Variants in NOCT observed in about 807,000 individuals in gnomAD.
NOCT encodes CCR4 carbon catabolite repression 4-like.
In NOCT, 18 loss-of-function variants were observed where a neutral mutation model predicts 35.0. The ratio of observed to expected loss-of-function variants is 0.51; its 90% CI spans 0.36 to 0.76. The LOEUF is 0.76. Among genes scored for constraint, NOCT ranks in the 30% least tolerant of loss-of-function variants. The pLI, the probability that NOCT is intolerant of heterozygous loss-of-function variation, is 0.01. For synonymous variants in NOCT, 235 were observed against 226.3 expected, an observed-to-expected ratio of 1.04 and a Z score of -0.34; for missense variants, 479 against 541.0, an observed-to-expected ratio of 0.89 and a Z score of 1.14.
rs535611058 is a variant in NOCT at position 139,035,697 on chromosome 4, T to G, written c.191-7377T>G. On this transcript the variant is annotated intron_variant, in intron 1 of 2. Transcript: ENST00000280614. ...ATGTCAATCAGATTCTCCTCTTGAG[T>G]AGAATTCTCCAGCTGCTTCCCATCT... Among the ~76,000 whole-genome samples, 8 of 152,308 alleles carry G rather than the reference T, an allele frequency of 5.3e-5. No homozygotes were observed. The East Asian group carries it at 1.4e-3, about 26-fold the overall frequency.
At chr4:139,031,570 G>A (rs906945862) in intron 1 of NOCT, among the ~76,000 whole-genome samples, 2 of 152,160 alleles carry the variant, frequency 1.3e-5, no homozygotes, top group Admixed American at 6.5e-5. Flanking sequence ...GTGTTTCATT[G>A]CAGCCCGACC....
chr4:139,026,743 G>T (rs1726524663), intron 1 of NOCT, among the ~76,000 whole-genome samples: 1 of 151,446 alleles, frequency 6.6e-6, no homozygotes. Flanking sequence ...TAGAGATGGG[G>T]TTTTTGCCAT....
Position 139,044,240 on chromosome 4 carries a change from T to C in NOCT, c.461-399T>C, listed in dbSNP as rs537335121. 2.1e-5 allele frequency among the ~76,000 whole-genome samples: 3 copies of C among 141,330 alleles called. 1 individual carries two copies. The highest frequency in any genetic ancestry group is 2.1e-4 in the Admixed American group (3 of 14,534). 92.7% of individuals were successfully genotyped at this position (141,330 alleles called of 152,430 possible). On this transcript the variant is annotated intron_variant, in intron 2 of 2. Coordinates refer to ENST00000280614, the MANE Select transcript of NOCT (RefSeq NM_012118.4). ...TATTTAAAATAAGTTCCATTCATTC[T>C]GAGTAGTGTCCATAATAGTCAGGGT... is the stretch of plus-strand genomic sequence containing the variant.
At chr4:139,029,141 A>G (rs1169913947) in intron 1 of NOCT, among the ~76,000 whole-genome samples, 6 of 152,192 alleles carry the variant, frequency 3.9e-5, no homozygotes. Flanking sequence ...GCCCAGCTGA[A>G]TAATAGCCTT....
In NOCT at chr4:139,045,609, C is replaced by T. The variant is rs1334494977; in HGVS notation, c.*135C>T. On this transcript the variant is annotated 3_prime_UTR_variant, in exon 3 of 3. Coordinates refer to ENST00000280614, the MANE Select transcript of NOCT (RefSeq NM_012118.4). ...TCGGCTCACTGCAAGATCCGCCTCC[C>T]GGGTTCATGGCATTCTCCTGCCTCA... is the stretch of plus-strand genomic sequence containing the variant. 2.4e-5 allele frequency: 13 copies of T among 553,190 alleles called. No individual in the cohort carries two copies. Among genetic ancestry groups the T allele is most frequent in the African/African-American group, 7.8e-5 (4 of 51,568 alleles). 34.3% of individuals were successfully genotyped at this position (553,190 alleles called of 1,614,324 possible). A position where few individuals can be genotyped will look rare whatever the true frequency, so the allele number is the denominator to read the frequency against.
chr4:139,038,151 G>T (rs1168778161), intron 1 of NOCT, among the ~76,000 whole-genome samples: 5 of 152,050 alleles, frequency 3.3e-5, no homozygotes, highest in Non-Finnish European at 7.4e-5. Flanking sequence ...AGTGAGCCGA[G>T]ATCACGCCAC....
chr4:139,026,053 A>G (rs1290977818), intron 1 of NOCT, among the ~76,000 whole-genome samples: 1 of 152,184 alleles, frequency 6.6e-6, no homozygotes, highest in Non-Finnish European at 1.5e-5. Context: ...TATATATACA[A>G]ATAGACTAGT....
chr4:139,028,830 T>G (rs1726572954), intron 1 of NOCT, among the ~76,000 whole-genome samples: 1 of 152,162 alleles, frequency 6.6e-6, no homozygotes, highest in South Asian at 2.1e-4. Flanking sequence ...AATAATAGCC[T>G]TCTCTTTTTG....
At chr4:139,041,713 A>G (rs568330121) in intron 1 of NOCT, among the ~76,000 whole-genome samples, 9 of 152,296 alleles carry the variant, frequency 5.9e-5, no homozygotes, top group Middle Eastern at 3.4e-3. Context: ...AATGTGGGCA[A>G]CTCATGAGAA....
chr4:139,018,697 C>T (rs1011949071), intron 1 of NOCT, among the ~76,000 whole-genome samples: 1 of 152,228 alleles, frequency 6.6e-6, no homozygotes, highest in Non-Finnish European at 1.5e-5. Context: ...GAGCTTTAGT[C>T]AGTCCCTAAG....
chr4:139,020,301 T>C (rs1212741899), intron 1 of NOCT, among the ~76,000 whole-genome samples: 1 of 152,240 alleles, frequency 6.6e-6, no homozygotes, highest in African/African-American at 2.4e-5. Context: ...ACAAGCTTTA[T>C]TGAATAGTAC....
At chr4:139,031,536 A>G (rs1210781908) in intron 1 of NOCT, among the ~76,000 whole-genome samples, 2 of 152,114 alleles carry the variant, frequency 1.3e-5, no homozygotes, top group Admixed American at 1.3e-4. Context: ...GTTGTCATCC[A>G]GCATTCTAAT....
Position 139,044,001 on chromosome 4 carries a change from T to TATATATATATATATAC in NOCT, c.461-635_461-634insTATATATATATACATA, listed in dbSNP as rs1006546641. 5.9e-4 allele frequency: 87 copies of TATATATATATATATAC among 148,420 alleles called. 1 individual carries two copies. The highest frequency in any genetic ancestry group is 2.0e-3 in the African/African-American group (82 of 40,488). 9.2% of individuals were successfully genotyped at this position (148,420 alleles called of 1,614,324 possible). A position where few individuals can be genotyped will look rare whatever the true frequency, so the allele number is the denominator to read the frequency against. ...ATATGTATATATATATATATATATA[T>TATATATATATATATAC]ATACACTTTGTTACAGTAGTAAGGA... On this transcript the variant is annotated intron_variant, in intron 2 of 2. Coordinates refer to ENST00000280614, the MANE Select transcript of NOCT (RefSeq NM_012118.4).
chr4:139,042,778 A>G (rs1726858011), intron 1 of NOCT, among the ~76,000 whole-genome samples: 1 of 152,082 alleles, frequency 6.6e-6, no homozygotes, highest in Non-Finnish European at 1.5e-5. Flanking sequence ...AGCAGCGGGT[A>G]GAGGTGCATG....
chr4:139,031,210 C>T (rs1009685862), intron 1 of NOCT, among the ~76,000 whole-genome samples: 2 of 151,108 alleles, frequency 1.3e-5, no homozygotes, highest in Admixed American at 6.6e-5. Flanking sequence ...AGTGCAGTGG[C>T]GCGATCTCAG....
intron 1 of NOCT, among the ~76,000 whole-genome samples, chr4:139,030,295 G>A (rs964418574): frequency 1.3e-5 from 2 of 152,316 alleles, no homozygotes. Context: ...ACTGGTTACA[G>A]CAAGTAAAAA....
chr4:139,034,813 A>C (rs1726700143), intron 1 of NOCT, among the ~76,000 whole-genome samples: 1 of 152,116 alleles, frequency 6.6e-6, no homozygotes, highest in Non-Finnish European at 1.5e-5. Context: ...TGCCCACCTC[A>C]GCCTCCCAGA....
rs543716190 is a variant in NOCT at position 139,044,572 on chromosome 4, A to G, written c.461-67A>G. On this transcript the variant is annotated intron_variant, in intron 2 of 2. Transcript: ENST00000280614. ...ATTCTGAGGGTCTTGAGTGATGCCA[A>G]ACCTCCTGGGTACTTTGAAGTCACG... is the stretch of plus-strand genomic sequence containing the variant. 2.0e-5 allele frequency: 20 copies of G among 1,010,818 alleles called. No homozygotes were observed. In the East Asian group the frequency reaches 2.6e-4, roughly 13 times the overall value. 62.6% of individuals were successfully genotyped at this position (1,010,818 alleles called of 1,614,324 possible).
In NOCT at chr4:139,045,240, T is replaced by C. The variant is rs1234527713; in HGVS notation, c.1062T>C (p.Asp354=). Residue 354 remains aspartate (D), a synonymous_variant, in exon 3 of 3, where the codon GAT becomes GAC. Coordinates refer to ENST00000280614, the MANE Select transcript of NOCT (RefSeq NM_012118.4). The part of the protein sequence containing the change: ...LNSAYKLLSA[D]GQSEPPYTTW... ...GCGCCTACAAGCTGCTGAGTGCTGA[T>C]GGGCAGTCAGAACCCCCATACACTA... 3 of 1,614,188 alleles carry C rather than the reference T, an allele frequency of 1.9e-6. No individual in the cohort carries two copies. Among genetic ancestry groups the C allele is most frequent in the Non-Finnish European group, 2.5e-6 (3 of 1,180,020 alleles).
Sources: allele counts gnomAD v4.1 joint callset (sites outside exome capture counted in the v4.1 genomes callset), GRCh38; gene constraint gnomAD v4.1.1; transcripts MANE v1.5; gene names NCBI Gene and HGNC (gene_info 2026-07-23, HGNC 2026-07-21).